Variants in OR56B2 observed in about 807,000 individuals in gnomAD.
OR56B2 encodes olfactory receptor family 56 subfamily B member 2.
At chr11:5,766,518 T>C in the OR56B2 span, 2 of 140,030 alleles carry the variant, frequency 1.4e-5, 1 homozygote. Flanking sequence ...TGCAAAGGAC[T>C]TGAATAGACA....
chr11:5,762,601 T>C, the OR56B2 span, among the ~76,000 whole-genome samples: 1 of 152,084 alleles, frequency 6.6e-6, no homozygotes, highest in East Asian at 1.9e-4. Flanking sequence ...AAACCTAGTA[T>C]CTGATAGATC....
the OR56B2 span, chr11:5,766,123 C>T: frequency 0.63 from 87,806 of 138,586 alleles, 33,754 homozygotes; most frequent in Middle Eastern, 0.72. Flanking sequence ...TATTCTCCAA[C>T]TGCTGCAAAT....
chr11:5,763,245 T>C, the OR56B2 span, among the ~76,000 whole-genome samples: 1 of 152,172 alleles, frequency 6.6e-6, no homozygotes, highest in Non-Finnish European at 1.5e-5. Flanking sequence ...CGCTATACTC[T>C]TCTACCCCTT....
the OR56B2 span, among the ~76,000 whole-genome samples, chr11:5,763,269 T>C: frequency 6.6e-6 from 1 of 152,086 alleles, no homozygotes; most frequent in Non-Finnish European, 1.5e-5. Context: ...TGTTTCAACA[T>C]GATTCTCCTT....
At chr11:5,762,204 AT>A in the OR56B2 span, among the ~76,000 whole-genome samples, 2 of 151,654 alleles carry the variant, frequency 1.3e-5, no homozygotes, top group East Asian at 1.9e-4. Context: ...TGCCACATGT[AT>A]TTTTTTTCTT....
the OR56B2 span, chr11:5,766,796 G>C: frequency 7.2e-6 from 1 of 139,702 alleles, no homozygotes; most frequent in Non-Finnish European, 1.6e-5. Context: ...AGTAAAAATG[G>C]CACAGTGGCT....
chr11:5,762,972 C>A, the OR56B2 span, among the ~76,000 whole-genome samples: 4 of 151,916 alleles, frequency 2.6e-5, no homozygotes, highest in Admixed American at 2.6e-4. Context: ...ATTATTTTAA[C>A]TGAATTACTA....
At chr11:5,762,417 G>T in the OR56B2 span, among the ~76,000 whole-genome samples, 1 of 151,880 alleles carries the variant, frequency 6.6e-6, no homozygotes, top group South Asian at 2.1e-4. Context: ...CGATAATTTT[G>T]CATGTTGTTT....
chr11:5,764,318 C>T, the OR56B2 span, among the ~76,000 whole-genome samples: 1 of 140,892 alleles, frequency 7.1e-6, no homozygotes, highest in Admixed American at 7.3e-5. Flanking sequence ...TGTGCATGTG[C>T]GTGCATGTTT....
At chr11:5,763,906 T>C in the OR56B2 span, among the ~76,000 whole-genome samples, 2 of 140,394 alleles carry the variant, frequency 1.4e-5, no homozygotes, top group East Asian at 4.1e-4. Flanking sequence ...AGCCACATTT[T>C]AATTAAGCAT....
chr11:5,761,365 A>G, the OR56B2 span: 1 of 152,242 alleles, frequency 6.6e-6, no homozygotes, highest in African/African-American at 2.4e-5. Context: ...ATGACTGTGT[A>G]GAAACCATGA....
the OR56B2 span, among the ~76,000 whole-genome samples, chr11:5,762,326 T>C: frequency 6.6e-6 from 1 of 152,124 alleles, no homozygotes; most frequent in African/African-American, 2.4e-5. Flanking sequence ...CCAATACTAT[T>C]TTATATTTGA....
At chr11:5,762,239 C>T in the OR56B2 span, among the ~76,000 whole-genome samples, 4 of 151,692 alleles carry the variant, frequency 2.6e-5, no homozygotes, top group Non-Finnish European at 4.4e-5. Flanking sequence ...AACAGTGGAC[C>T]CTTACTTCAT....
At chr11:5,766,075 T>A in the OR56B2 span, 4 of 140,672 alleles carry the variant, frequency 2.8e-5, 1 homozygote, top group Non-Finnish European at 4.7e-5. Flanking sequence ...GAAAAGATAT[T>A]CATTTTTTGA....
chr11:5,762,287 T>C, the OR56B2 span, among the ~76,000 whole-genome samples: 1 of 152,122 alleles, frequency 6.6e-6, no homozygotes, highest in African/African-American at 2.4e-5. Flanking sequence ...TCTCTAGCAA[T>C]TTAAACAATT....
chr11:5,764,961 C>T, the OR56B2 span: 1 of 140,488 alleles, frequency 7.1e-6, no homozygotes, highest in East Asian at 2.1e-4. Context: ...TAGGATAATA[C>T]ATGTCCAATA....
the OR56B2 span, among the ~76,000 whole-genome samples, chr11:5,762,670 A>G: frequency 6.6e-6 from 1 of 152,142 alleles, no homozygotes; most frequent in Non-Finnish European, 1.5e-5. Context: ...CTGGAAGAGA[A>G]TAATTTAAAT....
chr11:5,763,453 A>G, the OR56B2 span, among the ~76,000 whole-genome samples: 2 of 139,436 alleles, frequency 1.4e-5, no homozygotes, highest in Non-Finnish European at 3.2e-5. Flanking sequence ...AACTGGGGCT[A>G]CAGGCACACG....
chr11:5,763,143 G>A, the OR56B2 span, among the ~76,000 whole-genome samples: 1 of 151,934 alleles, frequency 6.6e-6, no homozygotes, highest in Non-Finnish European at 1.5e-5. Flanking sequence ...ATAAGAATCA[G>A]TATGTTTACA....
Sources: allele counts gnomAD v4.1 joint callset (sites outside exome capture counted in the v4.1 genomes callset), GRCh38; gene constraint gnomAD v4.1.1; transcripts MANE v1.5; gene names NCBI Gene and HGNC (gene_info 2026-07-23, HGNC 2026-07-21).